The following CRIM1 variants were observed in gnomAD, a reference collection of about 807,000 sequenced individuals.
The protein encoded by CRIM1 is cysteine-rich motor neuron 1 protein.
Under a neutral mutation model 116.4 loss-of-function variants are expected in CRIM1, and 32 were observed. The ratio of observed to expected loss-of-function variants is 0.27; its 90% CI spans 0.21 to 0.37. The LOEUF is 0.37. Among genes scored for constraint, CRIM1 ranks in the 10% least tolerant of loss-of-function variants. The pLI is 1.00. For missense variants in CRIM1, 1,331 were observed against 1,354.8 expected, an observed-to-expected ratio of 0.98 and a Z score of 0.28; for synonymous variants, 590 against 509.2, an observed-to-expected ratio of 1.16 and a Z score of -2.13.
chr2:36,433,032 G>C (rs1428772047), intron 2 of CRIM1, among the ~76,000 whole-genome samples: 1 of 152,200 alleles, frequency 6.6e-6, no homozygotes, highest in Admixed American at 6.5e-5. Context: ...TTCTGATTCT[G>C]TAGGTCTGGT....
intron 13 of CRIM1, chr2:36,531,750 T>G (rs1021710959): frequency 2.8e-6 from 1 of 362,314 alleles, no homozygotes; most frequent in African/African-American, 2.2e-5. Flanking sequence ...TGAACCAGAA[T>G]TGAGGGAAAA....
At chr2:36,518,370 T>G (rs1314783927) in intron 12 of CRIM1, among the ~76,000 whole-genome samples, 1 of 152,246 alleles carries the variant, frequency 6.6e-6, no homozygotes, top group Non-Finnish European at 1.5e-5. Context: ...AAACATATTC[T>G]TAGAGCATTT....
At chr2:36,508,575 A>G (rs956964840) in intron 8 of CRIM1, among the ~76,000 whole-genome samples, 3 of 152,236 alleles carry the variant, frequency 2.0e-5, no homozygotes, top group African/African-American at 7.2e-5. Flanking sequence ...CATGTAGAAC[A>G]ATATTCAAAC....
chr2:36,443,780 T>G (rs1676042639), intron 4 of CRIM1, among the ~76,000 whole-genome samples: 1 of 152,260 alleles, frequency 6.6e-6, no homozygotes, highest in African/African-American at 2.4e-5. Flanking sequence ...TTCTGATAAT[T>G]ACTTTTTCCT....
chr2:36,378,332 C>A (rs934499557), intron 1 of CRIM1: 1 of 471,166 alleles, frequency 2.1e-6, no homozygotes, highest in East Asian at 6.9e-5. Context: ...CCTAGGCAGG[C>A]GCCACCTAAC....
chr2:36,464,593 G>A lies in CRIM1; in HGVS notation c.929G>A (p.Arg310His), dbSNP rs199612229. 26 of 1,614,044 alleles carry A rather than the reference G, an allele frequency of 1.6e-5. No homozygotes were observed. Among genetic ancestry groups the A allele is most frequent in the South Asian group, 1.5e-4 (14 of 91,084 alleles). ...GTGTGTGAGGTGGGATCCACTCCCC[G>A]CATAGTCTCTCGTGGCGATGGGACA... ...FPVCEVGSTP[R>H]IVSRGDGTPG... Residue 310 changes from arginine to histidine, a missense_variant, in exon 5 of 17, where the codon CGC becomes CAC. Transcript: ENST00000280527.
chr2:36,474,478 G>A (rs1678800362), intron 5 of CRIM1, among the ~76,000 whole-genome samples: 1 of 152,094 alleles, frequency 6.6e-6, no homozygotes. Context: ...ATAACTCTAT[G>A]ATTCATTTTG....
At chr2:36,450,649 C>G (rs994367093) in intron 4 of CRIM1, among the ~76,000 whole-genome samples, 2 of 152,160 alleles carry the variant, frequency 1.3e-5, no homozygotes, top group African/African-American at 4.8e-5. Flanking sequence ...GCTCCAAACT[C>G]TGTAACTCCA....
intron 16 of CRIM1, among the ~76,000 whole-genome samples, chr2:36,547,906 T>C (rs969060831): frequency 2.0e-5 from 3 of 152,210 alleles, no homozygotes; most frequent in Non-Finnish European, 4.4e-5. Flanking sequence ...ACCTTAAGAA[T>C]TGGAAACAGC....
chr2:36,542,343 C>T (rs796088289), intron 14 of CRIM1, among the ~76,000 whole-genome samples: 7 of 152,344 alleles, frequency 4.6e-5, no homozygotes, highest in African/African-American at 1.4e-4. Context: ...TCCTCCTTCA[C>T]CATAGACAGA....
At chr2:36,427,623 T>C (rs1456136256) in intron 2 of CRIM1, among the ~76,000 whole-genome samples, 1 of 152,214 alleles carries the variant, frequency 6.6e-6, no homozygotes, top group Non-Finnish European at 1.5e-5. Flanking sequence ...GAGCTTCTAC[T>C]TTCCTCTGGC....
chr2:36,443,609 C>A (rs886286751), intron 4 of CRIM1, among the ~76,000 whole-genome samples: 1 of 152,190 alleles, frequency 6.6e-6, no homozygotes, highest in African/African-American at 2.4e-5. Context: ...CAATTTCCAA[C>A]CTCTTCTTCC....
At chr2:36,482,652 C>G (rs1451633138) in intron 7 of CRIM1, among the ~76,000 whole-genome samples, 1 of 152,200 alleles carries the variant, frequency 6.6e-6, no homozygotes, top group Non-Finnish European at 1.5e-5. Context: ...ACCAGAAACA[C>G]TGGTATTTAC....
rs1667395205 is a variant in CRIM1 at position 36,546,993 on chromosome 2, A to G, written c.2756A>G (p.His919Arg). The G allele has an allele frequency of 6.3e-7, 1 of 1,584,142 alleles. No homozygotes were observed. Among genetic ancestry groups the G allele is most frequent in the Non-Finnish European group, 8.6e-7 (1 of 1,166,250 alleles). Reference sequence around the variant, plus strand: ...ATTTTTTTTCTCCTAGATATGGGTCACCTCCAGGTAGATTACAGAGATAAC... The same window carrying G: ...ATTTTTTTTCTCCTAGATATGGGTCGCCTCCAGGTAGATTACAGAGATAAC... ...DIVHLPRDMGHLQVDYRDNRL... is the reference protein window; with the variant it reads ...DIVHLPRDMGRLQVDYRDNRL... Residue 919 changes from histidine (H) to arginine (R), a missense_variant, in exon 16 of 17, where the codon CAC becomes CGC. Physicochemically the swap from His to Arg is conservative, Grantham distance 29. Transcript: ENST00000280527.
chr2:36,368,646 A>G (rs1166907605), intron 1 of CRIM1, among the ~76,000 whole-genome samples: 6 of 152,194 alleles, frequency 3.9e-5, no homozygotes, highest in African/African-American at 1.4e-4. Context: ...GCATTTATTC[A>G]TTAATAAGTC....
intron 1 of CRIM1, among the ~76,000 whole-genome samples, chr2:36,392,110 T>G (rs1037026817): frequency 6.6e-6 from 1 of 152,196 alleles, no homozygotes. Context: ...AGAAAAAGTG[T>G]TATATTTCAA....
chr2:36,383,576 A>G (rs1251892220), intron 1 of CRIM1, among the ~76,000 whole-genome samples: 1 of 152,154 alleles, frequency 6.6e-6, no homozygotes, highest in Non-Finnish European at 1.5e-5. Context: ...GCAAGTGGAT[A>G]TTGGGGCCTG....
At position 36,509,086 on chromosome 2, in the gene CRIM1, T is replaced by C. The variant is rs141165172; in HGVS notation, c.1502-897T>C. Among the ~76,000 whole-genome samples the C allele has an allele frequency of 2.0e-5, 3 of 152,330 alleles. No individual in the cohort carries two copies. The East Asian group carries it at 5.8e-4, about 29-fold the overall frequency. On this transcript the variant is annotated intron_variant, in intron 8 of 16. Transcript: ENST00000280527. The stretch of plus-strand genomic sequence containing the variant: ...ACATATCTAAATGTAACACTGAATA[T>C]TTTAATTACTATCATTTTGTAAAAG...
At chr2:36,465,239 C>T (rs1572797004) in intron 5 of CRIM1, among the ~76,000 whole-genome samples, 1 of 152,334 alleles carries the variant, frequency 6.6e-6, no homozygotes, top group African/African-American at 2.4e-5. Flanking sequence ...CACGAGATTC[C>T]TTCTGACAGA....
Sources: gnomAD v4.1 joint callset for allele counts (sites outside exome capture counted in the v4.1 genomes callset) on GRCh38, gnomAD v4.1.1 for gene constraint, MANE v1.5 for transcripts, NCBI Gene and HGNC (gene_info 2026-07-23, HGNC 2026-07-21) for gene names.